The following EZR variants were observed in gnomAD, a reference collection of about 807,000 sequenced individuals.
EZR encodes the protein ezrin.
Under a neutral mutation model 74.8 loss-of-function variants are expected in EZR, and 40 were observed. The observed-to-expected ratio is 0.53, with a 90% CI of 0.42 to 0.70. EZR has a LOEUF of 0.70. Among genes scored for constraint, EZR ranks in the 30% least tolerant of loss-of-function variants. EZR has a pLI of 0.00. For missense variants in EZR, 678 were observed against 755.8 expected (o/e 0.90, Z 1.21); for synonymous variants, 341 against 283.3 (o/e 1.20, Z -2.05).
intron 2 of EZR, among the ~76,000 whole-genome samples, chr6:158,790,444 G>T (rs1222867719): frequency 6.6e-6 from 1 of 152,240 alleles, no homozygotes; most frequent in Non-Finnish European, 1.5e-5. Flanking sequence ...GGAGGCCGAG[G>T]CAGGTGGACC....
rs1200463510 is a variant in EZR at position 158,804,614 on chromosome 6, G to A, written c.12+13468C>T. Among the ~76,000 whole-genome samples, 14 of 152,176 alleles carry A rather than the reference G, an allele frequency of 9.2e-5. 1 individual carries two copies. The highest frequency in any genetic ancestry group is 9.2e-4 in the Admixed American group (14 of 15,276). On this transcript the variant is annotated intron_variant, in intron 2 of 13. Coordinates refer to ENST00000367075, the MANE Select transcript of EZR (RefSeq NM_001111077.2). The stretch of plus-strand genomic sequence containing the variant: ...AAAAGTAAGGGACAAGGCCAAGATG[G>A]CTTATTATATGCTAGAGTCGGTTTT...
intron 2 of EZR, among the ~76,000 whole-genome samples, chr6:158,804,170 G>A (rs113808628): frequency 3.3e-5 from 5 of 151,824 alleles, no homozygotes; most frequent in Non-Finnish European, 7.4e-5. Context: ...CCTTTTTGGT[G>A]AGTGTCTCTA....
intron 2 of EZR, among the ~76,000 whole-genome samples, chr6:158,803,571 A>G (rs1414723852): frequency 1.6e-4 from 1 of 6,222 alleles, no homozygotes; most frequent in Non-Finnish European, 3.4e-4. Flanking sequence ...ATATATATAT[A>G]TATATATATA....
Position 158,803,365 on chromosome 6 carries a change from A to C in EZR, c.13-13994T>G, listed in dbSNP as rs565719116. On this transcript the variant is annotated intron_variant, in intron 2 of 13. Transcript: ENST00000367075. ...CTGATGACCTTTTTTTAATGGTTAC[A>C]AAAACTGAGACCCTCAACTTCTGGT... Among the ~76,000 whole-genome samples the C allele has an allele frequency of 2.0e-5, 3 of 151,328 alleles. No homozygotes were observed. In the East Asian group the frequency reaches 5.9e-4, roughly 30 times the overall value.
chr6:158,813,041 A>C lies in EZR; in HGVS notation c.12+5041T>G, dbSNP rs574628325. On this transcript the variant is annotated intron_variant, in intron 2 of 13. Transcript: ENST00000367075. ...TACAGATCACAGTCAACTTTTCAAA[A>C]GGCAAATCTGATCATGTCACCTCCC... Among the ~76,000 whole-genome samples the C allele has an allele frequency of 1.2e-3, 177 of 152,288 alleles. No individual in the cohort carries two copies. The South Asian group carries it at 0.016, about 14-fold the overall frequency.
intron 2 of EZR, among the ~76,000 whole-genome samples, chr6:158,814,200 T>G (rs138267394): frequency 2.0e-5 from 3 of 152,210 alleles, no homozygotes; most frequent in East Asian, 1.9e-4. Flanking sequence ...CACACATGAA[T>G]AGAGTCCCTA....
Position 158,765,831 on chromosome 6 carries a change from CACGAGAAGG to C in EZR, c.*1074_*1082del, listed in dbSNP as rs1002574743. ...CTTAGCTGTGAAGGAGAAAGCAGTG[CACGAGAAGG>C]AATGAGTGGGCGGAACCAACGGCCT... On this transcript the variant is annotated 3_prime_UTR_variant, in exon 14 of 14. Transcript: ENST00000367075. 7 of 152,248 alleles carry C rather than the reference CACGAGAAGG, an allele frequency of 4.6e-5. No individual in the cohort carries two copies. Among genetic ancestry groups the C allele is most frequent in the Non-Finnish European group, 8.8e-5 (6 of 68,062 alleles). The allele number at this position is 152,248 out of a possible 1,614,324, so 9.4% of individuals were successfully genotyped here. A position where few individuals can be genotyped will look rare whatever the true frequency, so the allele number is the denominator to read the frequency against.
chr6:158,806,564 TAA>T (rs375547734), intron 2 of EZR, among the ~76,000 whole-genome samples: 9 of 145,010 alleles, frequency 6.2e-5, no homozygotes, highest in Non-Finnish European at 7.6e-5. Flanking sequence ...TCTAAAGCAC[TAA>T]AAAAAAAAAT....
intron 2 of EZR, among the ~76,000 whole-genome samples, chr6:158,815,842 G>A (rs1777542589): frequency 6.6e-6 from 1 of 152,156 alleles, no homozygotes; most frequent in South Asian, 2.1e-4. Context: ...AGTAACTCTG[G>A]CTCTAATACA....
chr6:158,800,088 G>C (rs1287249063), intron 2 of EZR, among the ~76,000 whole-genome samples: 1 of 152,140 alleles, frequency 6.6e-6, no homozygotes, highest in Non-Finnish European at 1.5e-5. Context: ...AAACCACCCT[G>C]TTATAAATAA....
intron 2 of EZR, among the ~76,000 whole-genome samples, chr6:158,801,275 C>G (rs993729072): frequency 3.9e-5 from 6 of 152,162 alleles, no homozygotes; most frequent in African/African-American, 1.4e-4. Flanking sequence ...TCACCATGCC[C>G]AGCTAACTTT....
chr6:158,781,515 G>T (rs552910575), intron 7 of EZR, among the ~76,000 whole-genome samples: 37 of 152,308 alleles, frequency 2.4e-4, no homozygotes, highest in Admixed American at 6.5e-4. Flanking sequence ...GTTACAAGCT[G>T]ACATCAGCAA....
At chr6:158,796,292 C>A (rs1381124213) in intron 2 of EZR, among the ~76,000 whole-genome samples, 4 of 152,246 alleles carry the variant, frequency 2.6e-5, no homozygotes, top group Non-Finnish European at 5.9e-5. Flanking sequence ...AACCGACATG[C>A]AAGGTGTTAA....
At position 158,769,840 on chromosome 6, in the gene EZR, C is replaced by A. The variant is rs1005454942; in HGVS notation, c.1195G>T (p.Ala399Ser). 1 of 1,614,050 alleles carries A rather than the reference C, an allele frequency of 6.2e-7. No homozygotes were observed. Among genetic ancestry groups the A allele is most frequent in the Non-Finnish European group, 8.5e-7 (1 of 1,180,052 alleles). Residue 399 changes from alanine (A) to serine (S), a missense_variant, in exon 11 of 14, where the codon GCT (alanine) becomes TCT (serine). Around this residue, in one of 3 missense-constraint regions of EZR, gnomAD observed 342 missense variants for 341.2 expected, o/e 1.00. Transcript: ENST00000367075. Reference sequence around the variant, plus strand: ...GCCTGTCTCTCCAGCTCCTCCTTAGCCCGCAGTGCAGCCATACGGTCAGCC... The same window carrying A: ...GCCTGTCTCTCCAGCTCCTCCTTAGACCGCAGTGCAGCCATACGGTCAGCC... ...LEADRMAALRAKEELERQAVD... is the reference protein window; with the variant it reads ...LEADRMAALRSKEELERQAVD...
At chr6:158,816,792 A>G (rs1777566520) in intron 2 of EZR, among the ~76,000 whole-genome samples, 1 of 152,232 alleles carries the variant, frequency 6.6e-6, no homozygotes, top group Non-Finnish European at 1.5e-5. Context: ...ATGTAACAGA[A>G]GAAGCACACA....
chr6:158,768,041 G>A (rs977728515), intron 12 of EZR, among the ~76,000 whole-genome samples: 1 of 151,848 alleles, frequency 6.6e-6, no homozygotes, highest in South Asian at 2.1e-4. Context: ...CTTGCAACTT[G>A]GGATGGTGAT....
chr6:158,785,391 C>A lies in EZR; in HGVS notation c.385G>T (p.Ala129Ser). The change falls in exon 5 of 14, where the codon GCT becomes TCT. Residue 129 changes from alanine to serine, a missense_variant. Around this residue, in one of 3 missense-constraint regions of EZR, gnomAD observed 217 missense variants for 232.2 expected, o/e 0.93. Transcript: ENST00000367075. ...PETAVLLGSY[A>S]VQAKFGDYNK... ...TAGTCCCCAAACTTGGCCTGCACAGCGTAGGACCCCAAGAGCACGGCAGTC... is the reference window on the plus strand; with the variant it reads ...TAGTCCCCAAACTTGGCCTGCACAGAGTAGGACCCCAAGAGCACGGCAGTC... 1 of 1,614,214 alleles carries A rather than the reference C, an allele frequency of 6.2e-7. No individual in the cohort carries two copies. The highest frequency in any genetic ancestry group is 8.5e-7 in the Non-Finnish European group (1 of 1,180,036).
chr6:158,787,350 TTGCACTCAAA>T, intron 3 of EZR, 147 bp from the exon 4 acceptor site: 1 of 567,032 alleles, frequency 1.8e-6, no homozygotes, highest in East Asian at 2.9e-5. Context: ...ACATCTTTTT[TTGCACTCAAA>T]TAACTTGTTA....
At chr6:158,808,834 C>A (rs1777395153) in intron 2 of EZR, among the ~76,000 whole-genome samples, 1 of 152,146 alleles carries the variant, frequency 6.6e-6, no homozygotes, top group Admixed American at 6.5e-5. Flanking sequence ...AAACAACAAA[C>A]AAACAAACTT....
Sources: allele counts gnomAD v4.1 joint callset (sites outside exome capture counted in the v4.1 genomes callset), GRCh38; gene constraint gnomAD v4.1.1; regional missense constraint gnomAD v4.1.1; transcripts MANE v1.5; gene names NCBI Gene and HGNC (gene_info 2026-07-23, HGNC 2026-07-21).